The following ACOT9 variants were observed in gnomAD, a reference collection of about 807,000 sequenced individuals.
ACOT9 encodes acyl-coenzyme A thioesterase 9, mitochondrial.
A neutral mutation model predicts 39.7 loss-of-function variants in ACOT9; 34 were observed. That is an observed-to-expected ratio of 0.86 (90% CI 0.65 to 1.14). The LOEUF is 1.14. Ranked by LOEUF, ACOT9 falls within the 50% of genes most tolerant of loss-of-function variation. ACOT9 has a pLI of 0.00. For missense variants in ACOT9, 313 were observed against 344.1 expected, an observed-to-expected ratio of 0.91 and a Z score of 0.71; for synonymous variants, 110 against 120.5, an observed-to-expected ratio of 0.91 and a Z score of 0.57.
intron 8 of ACOT9, among the ~76,000 whole-genome samples, chrX:23,717,732 G>C (rs926099763): frequency 1.8e-5 from 2 of 111,678 alleles, no homozygotes; most frequent in Non-Finnish European, 3.8e-5. Context: ...AGGAAAGTGG[G>C]TATGAAGGTC....
chrX:23,735,894 C>T (rs1929935794), intron 2 of ACOT9, 25 bp downstream of exon 2: 1 of 1,174,953 alleles, frequency 8.5e-7, no homozygotes, highest in African/African-American at 1.8e-5. Context: ...ACCACATAGG[C>T]ATCAAACAGA....
chrX:23,738,330 C>T (rs1930014048), intron 1 of ACOT9, among the ~76,000 whole-genome samples: 1 of 109,086 alleles, frequency 9.2e-6, no homozygotes, highest in South Asian at 4.0e-4. Flanking sequence ...AACAAGCAGC[C>T]AGGCATGGTG....
Position 23,730,460 on chromosome X carries a change from T to A in ACOT9, c.400+67A>T, listed in dbSNP as rs758182206. On this transcript the variant is annotated intron_variant, in intron 6 of 15. Coordinates refer to ENST00000379303, the MANE Select transcript of ACOT9 (RefSeq NM_001037171.2). Reference sequence around the variant, plus strand: ...TGCAGGTTAAAGAATAAAAGAGCCCTTTCCAGTCACAGAATTCAATGTATA... The same window carrying A: ...TGCAGGTTAAAGAATAAAAGAGCCCATTCCAGTCACAGAATTCAATGTATA... 97 of 871,772 alleles carry A rather than the reference T, an allele frequency of 1.1e-4. No homozygotes were observed. In the South Asian group the frequency reaches 2.0e-3, roughly 18 times the overall value. 71.8% of individuals were successfully genotyped at this position (871,772 alleles called of 1,213,427 possible). A position where few individuals can be genotyped will look rare whatever the true frequency, so the allele number is the denominator to read the frequency against.
chrX:23,719,726 C>T (rs1033115123), intron 8 of ACOT9, among the ~76,000 whole-genome samples: 2 of 112,055 alleles, frequency 1.8e-5, no homozygotes, highest in East Asian at 2.8e-4. Context: ...TGACAGGAGG[C>T]GGAGCTCAGG....
At chrX:23,710,052 C>G (rs754285736) in intron 9 of ACOT9, among the ~76,000 whole-genome samples, 2 of 111,349 alleles carry the variant, frequency 1.8e-5, no homozygotes, top group East Asian at 5.7e-4. Context: ...CCATACCTGG[C>G]TAATTTTTTT....
At chrX:23,714,096 GT>G (rs1928997188) in intron 8 of ACOT9, among the ~76,000 whole-genome samples, 1 of 111,138 alleles carries the variant, frequency 9.0e-6, no homozygotes, top group Non-Finnish European at 1.9e-5. Flanking sequence ...CTGGCATGGA[GT>G]TTGGAACTGT....
At chrX:23,731,374 G>C (rs1929742567) in intron 4 of ACOT9, among the ~76,000 whole-genome samples, 1 of 109,264 alleles carries the variant, frequency 9.2e-6, no homozygotes, top group Non-Finnish European at 1.9e-5. Flanking sequence ...CTACTTGGTA[G>C]GCTGAGGCAG....
intron 9 of ACOT9, among the ~76,000 whole-genome samples, chrX:23,711,857 T>C (rs1459030030): frequency 2.7e-5 from 3 of 111,115 alleles, no homozygotes; most frequent in Non-Finnish European, 5.6e-5. Context: ...ACATCATCTA[T>C]GTAGTACTCT....
chrX:23,704,337 ATTTTTTT>A (rs749027257), intron 15 of ACOT9, among the ~76,000 whole-genome samples: 125 of 88,685 alleles, frequency 1.4e-3, no homozygotes, highest in South Asian at 1.7e-3. Flanking sequence ...TGCCCGGCTA[ATTTTTTT>A]TTTTTTTTTT....
chrX:23,725,739 G>A (rs1929498107), intron 6 of ACOT9, among the ~76,000 whole-genome samples: 1 of 108,637 alleles, frequency 9.2e-6, no homozygotes, highest in African/African-American at 3.4e-5. Context: ...GACTGCTTGA[G>A]CCAGGAGGTC....
chrX:23,733,201 C>A lies in ACOT9; in HGVS notation c.162G>T (p.Arg54=). 1 of 1,208,966 alleles carries A rather than the reference C, an allele frequency of 8.3e-7. No homozygotes were observed. The highest frequency in any genetic ancestry group is 1.1e-6 in the Non-Finnish European group (1 of 893,602). Reference sequence around the variant, plus strand: ...AGTTTGTGGATGCTCCTACTATCTCCCGCAACTTATCTCGAACTGAAACAA... The same window carrying A: ...AGTTTGTGGATGCTCCTACTATCTCACGCAACTTATCTCGAACTGAAACAA... The part of the protein sequence containing the change: ...IHVNHVRDKL[R]EIVGASTNWR... The change falls in exon 4 of 16, where the codon CGG becomes CGT. Residue 54 remains arginine (R), a synonymous_variant. Coordinates refer to ENST00000379303, the MANE Select transcript of ACOT9 (RefSeq NM_001037171.2).
At chrX:23,706,783 C>A (rs1481073677) in intron 10 of ACOT9, 44 bp from the exon 11 acceptor site, 1 of 788,685 alleles carries the variant, frequency 1.3e-6, no homozygotes, top group Non-Finnish European at 1.9e-6. Context: ...GACGGTCGCA[C>A]TACAGCACAC....
intron 3 of ACOT9, 30 bp downstream of exon 3, chrX:23,734,311 A>G: frequency 8.5e-7 from 1 of 1,177,716 alleles, no homozygotes; most frequent in East Asian, 3.0e-5. Flanking sequence ...AGCTCTTAAA[A>G]GAAAAGCTGA....
intron 8 of ACOT9, among the ~76,000 whole-genome samples, chrX:23,720,040 A>G (rs906345242): frequency 1.9e-4 from 21 of 111,979 alleles, no homozygotes; most frequent in Non-Finnish European, 2.3e-4. Context: ...TCACCGTGTT[A>G]GCCAGGATGG....
intron 11 of ACOT9, among the ~76,000 whole-genome samples, chrX:23,706,190 C>G: frequency 9.1e-6 from 1 of 110,480 alleles, no homozygotes; most frequent in Non-Finnish European, 1.9e-5. Context: ...TGCTTGAACC[C>G]GGGAGGCAGA....
intron 8 of ACOT9, among the ~76,000 whole-genome samples, chrX:23,713,572 AAGAGAG>A (rs1178210791): frequency 9.3e-6 from 1 of 106,970 alleles, no homozygotes; most frequent in African/African-American, 3.4e-5. Flanking sequence ...AAAAAAAAAA[AAGAGAG>A]AGAGAGAGAG....
chrX:23,733,096 C>A (rs1929814963), intron 4 of ACOT9, 76 bp downstream of exon 4: 1 of 978,531 alleles, frequency 1.0e-6, no homozygotes, highest in East Asian at 3.1e-5. Context: ...CACTGTGAGA[C>A]CATCAACTGA....
intron 8 of ACOT9, among the ~76,000 whole-genome samples, chrX:23,714,713 C>T (rs1929018778): frequency 9.0e-6 from 1 of 110,856 alleles, no homozygotes; most frequent in Non-Finnish European, 1.9e-5. Context: ...CAGTCTCGAC[C>T]TCATGGGCTC....
In ACOT9 at chrX:23,739,499, C is replaced by T. The variant is rs189740098; in HGVS notation, c.21-3483G>A. On this transcript the variant is annotated intron_variant, in intron 1 of 15. Transcript: ENST00000379303. ...CCAGAAAGTCATGCTTCTCCAAAGT[C>T]TCCCCTAAAGATCAAAAAGAACCAG... Among the ~76,000 whole-genome samples, 678 of 111,377 alleles carry T rather than the reference C, an allele frequency of 6.1e-3. 2 individuals are homozygous for T. The highest frequency in any genetic ancestry group is 0.021 in the African/African-American group (647 of 30,671).
Sources: gnomAD v4.1 joint callset for allele counts (sites outside exome capture counted in the v4.1 genomes callset) on GRCh38, gnomAD v4.1.1 for gene constraint, MANE v1.5 for transcripts, NCBI Gene and HGNC (gene_info 2026-07-23, HGNC 2026-07-21) for gene names.